DRG1: variants seen among roughly 807,000 people sequenced by gnomAD.
The protein encoded by DRG1 is developmentally-regulated GTP-binding protein 1.
A neutral mutation model predicts 38.8 loss-of-function variants in DRG1; 19 were observed. The observed-to-expected ratio is 0.49, with a 90% CI of 0.34 to 0.72. The LOEUF (loss-of-function observed/expected upper bound fraction) is 0.72. DRG1 is among the 30% of genes least tolerant of loss of function. The probability of loss-of-function intolerance (pLI) is 0.01; values close to 1 mark genes in which losing one functional copy is unlikely to be tolerated. For missense variants in DRG1, 299 were observed against 444.8 expected (o/e 0.67, Z 2.95); for synonymous variants, 167 against 157.5 (o/e 1.06, Z -0.45).
intron 6 of DRG1, among the ~76,000 whole-genome samples, 188 bp downstream of exon 6, chr22:31,423,598 C>T (rs1393327437): frequency 6.8e-6 from 1 of 146,438 alleles, no homozygotes; most frequent in Non-Finnish European, 1.5e-5. Flanking sequence ...GTGATCTCAG[C>T]TCACTGCAAG....
intron 8 of DRG1, 117 bp downstream of exon 8, chr22:31,427,299 T>G: frequency 7.4e-7 from 1 of 1,352,298 alleles, no homozygotes; most frequent in Non-Finnish European, 9.9e-7. Context: ...ACTGAAATGT[T>G]TGCTTGGCTA....
chr22:31,408,517 G>A (rs1024807282), intron 3 of DRG1, among the ~76,000 whole-genome samples: 4 of 151,628 alleles, frequency 2.6e-5, no homozygotes, highest in Admixed American at 6.6e-5. Context: ...GGAGACTGAC[G>A]CGAGCAGATC....
chr22:31,408,134 CTTTTTTTTTTTTTT>C (rs1206312150), intron 3 of DRG1, among the ~76,000 whole-genome samples: 1 of 38,302 alleles, frequency 2.6e-5, no homozygotes, highest in Non-Finnish European at 4.4e-5. Flanking sequence ...TTTTTTCCTT[CTTTTTTTTTTTTTT>C]TTTTTTTTGA....
At chr22:31,403,582 G>A (rs2049974207) in intron 3 of DRG1, among the ~76,000 whole-genome samples, 1 of 152,128 alleles carries the variant, frequency 6.6e-6, no homozygotes, top group Non-Finnish European at 1.5e-5. Context: ...CTGGAGAATC[G>A]CTTGAACTAC....
At chr22:31,424,488 CTTTTTTTTT>C (rs398036881) in intron 6 of DRG1, among the ~76,000 whole-genome samples, 1 of 71,396 alleles carries the variant, frequency 1.4e-5, no homozygotes, top group African/African-American at 5.9e-5. Context: ...GCTTTGGTTT[CTTTTTTTTT>C]TTTTTTTTTT....
rs545925779 is a variant in DRG1 at position 31,422,129 on chromosome 22, G to GA, written c.583-1148dup. 1.5e-3 allele frequency among the ~76,000 whole-genome samples: 225 copies of GA among 149,688 alleles called. 1 individual carries two copies. The highest frequency in any genetic ancestry group is 5.2e-3 in the African/African-American group (213 of 40,954). The stretch of plus-strand genomic sequence containing the variant: ...CGTCTCAAAAAAAAAAAGAAAGAAA[G>GA]AAAGAAAAGAAAAGAGAATCGGCCA... On this transcript the variant is annotated intron_variant, in intron 5 of 8. Transcript: ENST00000331457.
chr22:31,402,602 G>C (rs1262920743), intron 2 of DRG1, among the ~76,000 whole-genome samples: 1 of 145,212 alleles, frequency 6.9e-6, no homozygotes, highest in African/African-American at 2.5e-5. Flanking sequence ...TCAACCTCCT[G>C]GGCTCAAGCG....
intron 6 of DRG1, 75 bp downstream of exon 6, chr22:31,423,485 C>T: frequency 5.8e-6 from 8 of 1,367,836 alleles, no homozygotes; most frequent in Admixed American, 1.9e-5. Context: ...GATCTTGAAT[C>T]TGGCAGAAGT....
chr22:31,418,042 A>G (rs2050054258), intron 4 of DRG1, among the ~76,000 whole-genome samples: 1 of 151,952 alleles, frequency 6.6e-6, no homozygotes, highest in African/African-American at 2.4e-5. Context: ...CACGCCTGTA[A>G]TCCCAACACT....
At chr22:31,428,373 G>A (rs1015763412) in intron 8 of DRG1, among the ~76,000 whole-genome samples, 1 of 151,972 alleles carries the variant, frequency 6.6e-6, no homozygotes, top group African/African-American at 2.4e-5. Flanking sequence ...CACCACGCCC[G>A]GCTAATTTTT....
At chr22:31,415,077 G>A (rs1164364269) in intron 4 of DRG1, among the ~76,000 whole-genome samples, 1 of 152,106 alleles carries the variant, frequency 6.6e-6, no homozygotes, top group Non-Finnish European at 1.5e-5. Context: ...ATGGCAGGCT[G>A]ATTGATTTTT....
At chr22:31,427,450 A>G (rs1194692695) in intron 8 of DRG1, among the ~76,000 whole-genome samples, 4 of 152,148 alleles carry the variant, frequency 2.6e-5, no homozygotes, top group Non-Finnish European at 5.9e-5. Flanking sequence ...AAACACAAAT[A>G]TTAATAATTC....
chr22:31,402,044 C>CTT (rs1569044487), intron 2 of DRG1, among the ~76,000 whole-genome samples: 1 of 151,804 alleles, frequency 6.6e-6, no homozygotes, highest in African/African-American at 2.4e-5. Context: ...GAGCTAGACT[C>CTT]TGTCTCAAGA....
At chr22:31,405,612 T>C (rs1296699915) in intron 3 of DRG1, among the ~76,000 whole-genome samples, 1 of 152,030 alleles carries the variant, frequency 6.6e-6, no homozygotes, top group Admixed American at 6.6e-5. Context: ...AGATTATTCA[T>C]GTAGATTATC....
chr22:31,402,393 T>G (rs2145857287), intron 2 of DRG1, among the ~76,000 whole-genome samples: 1 of 152,262 alleles, frequency 6.6e-6, no homozygotes, highest in Non-Finnish European at 1.5e-5. Flanking sequence ...AATTTGTTTA[T>G]TTTAGTTATA....
At chr22:31,409,742 C>G (rs2050008461) in intron 3 of DRG1, among the ~76,000 whole-genome samples, 1 of 152,018 alleles carries the variant, frequency 6.6e-6, no homozygotes. Flanking sequence ...TCCTGTAATC[C>G]TAGTACTTTG....
intron 4 of DRG1, among the ~76,000 whole-genome samples, chr22:31,416,304 G>A (rs1001997214): frequency 6.6e-6 from 1 of 152,094 alleles, no homozygotes; most frequent in African/African-American, 2.4e-5. Flanking sequence ...AAAGAAGTCA[G>A]ATCATGTCAT....
intron 8 of DRG1, among the ~76,000 whole-genome samples, chr22:31,432,430 T>TG (rs562893249): frequency 3.5e-4 from 49 of 140,866 alleles, no homozygotes; most frequent in East Asian, 1.0e-3. Flanking sequence ...TGTGTGTGTG[T>TG]TTTTTTTTTT....
chr22:31,423,240 T>A (rs777877728), intron 5 of DRG1, 40 bp from the exon 6 acceptor site: 14 of 1,607,144 alleles, frequency 8.7e-6, no homozygotes, highest in South Asian at 2.2e-5. Context: ...GTATTTTTTT[T>A]AAATTTTGTG....
Sources: gnomAD v4.1 joint callset for allele counts (sites outside exome capture counted in the v4.1 genomes callset) on GRCh38, gnomAD v4.1.1 for gene constraint, MANE v1.5 for transcripts, NCBI Gene and HGNC (gene_info 2026-07-23, HGNC 2026-07-21) for gene names.